Variants in MATCAP2 observed in about 807,000 individuals in gnomAD.
The protein encoded by MATCAP2 is putative tyrosine carboxypeptidase MATCAP2.
chr7:36,327,041 G>T, the MATCAP2 span: 2 of 799,550 alleles, frequency 2.5e-6, no homozygotes, highest in South Asian at 2.0e-5. Context: ...TTTAATAGCT[G>T]CAAAGTAACA....
chr7:36,389,915 C>T, the MATCAP2 span: 1 of 1,596,832 alleles, frequency 6.3e-7, no homozygotes, highest in Non-Finnish European at 8.6e-7. Context: ...GGAGAGTTCC[C>T]CCGCCTCAGA....
At chr7:36,352,397 A>T in the MATCAP2 span, among the ~76,000 whole-genome samples, 1 of 46,216 alleles carries the variant, frequency 2.2e-5, no homozygotes, top group African/African-American at 5.7e-5. Flanking sequence ...ACTCCATCTT[A>T]AAAAAAAAAA....
At chr7:36,367,274 G>A in the MATCAP2 span, 9 of 1,042,630 alleles carry the variant, frequency 8.6e-6, no homozygotes, top group African/African-American at 1.0e-4. Context: ...GCGCTTCACG[G>A]AGCCTGCGCG....
At chr7:36,380,141 T>A in the MATCAP2 span, among the ~76,000 whole-genome samples, 2 of 152,304 alleles carry the variant, frequency 1.3e-5, no homozygotes, top group South Asian at 4.1e-4. Context: ...TCAAAGGTGA[T>A]GAGCAGGGCA....
the MATCAP2 span, among the ~76,000 whole-genome samples, chr7:36,371,005 T>C: frequency 6.6e-6 from 1 of 152,250 alleles, no homozygotes. Flanking sequence ...TTCCATTTAA[T>C]TTTAGATTTA....
chr7:36,340,258 G>C, the MATCAP2 span, among the ~76,000 whole-genome samples: 1 of 152,156 alleles, frequency 6.6e-6, no homozygotes, highest in Non-Finnish European at 1.5e-5. Flanking sequence ...GGAAAATGTG[G>C]TTATCTGGTT....
chr7:36,346,733 AC>A, the MATCAP2 span, among the ~76,000 whole-genome samples: 1 of 152,056 alleles, frequency 6.6e-6, no homozygotes, highest in Non-Finnish European at 1.5e-5. Flanking sequence ...TACATTAAAA[AC>A]CACTGAACTG....
the MATCAP2 span, chr7:36,324,238 C>T: frequency 4.6e-5 from 7 of 152,168 alleles, no homozygotes; most frequent in African/African-American, 9.7e-5. Context: ...ACCTTGGCAC[C>T]GTTTCTTTTT....
At chr7:36,347,003 C>G in the MATCAP2 span, among the ~76,000 whole-genome samples, 7 of 152,170 alleles carry the variant, frequency 4.6e-5, no homozygotes, top group African/African-American at 1.7e-4. Flanking sequence ...TCATGATCCA[C>G]CCACCTTGGC....
At chr7:36,333,177 C>A in the MATCAP2 span, among the ~76,000 whole-genome samples, 2 of 152,282 alleles carry the variant, frequency 1.3e-5, no homozygotes, top group East Asian at 3.9e-4. Context: ...GACTGCCTCA[C>A]AGCAATAAAA....
chr7:36,357,159 T>G, the MATCAP2 span: 1 of 1,614,206 alleles, frequency 6.2e-7, no homozygotes, highest in Non-Finnish European at 8.5e-7. Flanking sequence ...TTGACCTTGC[T>G]TTTGGGTTTA....
chr7:36,349,991 A>G, the MATCAP2 span, among the ~76,000 whole-genome samples: 1 of 152,236 alleles, frequency 6.6e-6, no homozygotes, highest in Admixed American at 6.5e-5. Flanking sequence ...TAAAAACCTT[A>G]TAACTTCAGT....
the MATCAP2 span, among the ~76,000 whole-genome samples, chr7:36,384,922 G>A: frequency 6.6e-6 from 1 of 152,064 alleles, no homozygotes; most frequent in Non-Finnish European, 1.5e-5. Flanking sequence ...ATTCGGAGAG[G>A]CAGGTAGATT....
chr7:36,331,435 T>G, the MATCAP2 span, among the ~76,000 whole-genome samples: 2 of 152,238 alleles, frequency 1.3e-5, no homozygotes, highest in Non-Finnish European at 2.9e-5. Context: ...ACTCCCATTG[T>G]GCACTGAAGG....
the MATCAP2 span, among the ~76,000 whole-genome samples, chr7:36,374,325 C>T: frequency 6.6e-6 from 1 of 152,064 alleles, no homozygotes; most frequent in African/African-American, 2.4e-5. Flanking sequence ...AGTGATCCTC[C>T]TGCCTTGCCC....
At chr7:36,390,196 CG>C in the MATCAP2 span, 12 of 1,318,068 alleles carry the variant, frequency 9.1e-6, no homozygotes, top group East Asian at 3.0e-4. Flanking sequence ...GCCGCGGCTG[CG>C]GCCTGCTGTG....
chr7:36,389,691 G>A, the MATCAP2 span: 6,302 of 261,268 alleles, frequency 0.024, 105 homozygotes, highest in Middle Eastern at 0.05. Context: ...TCCACCCCGC[G>A]GCGAGGGCTG....
the MATCAP2 span, among the ~76,000 whole-genome samples, chr7:36,333,520 T>G: frequency 6.6e-6 from 1 of 151,834 alleles, no homozygotes. Context: ...GCATGTGAAT[T>G]ATATCTCAGT....
At chr7:36,366,009 T>C in the MATCAP2 span, among the ~76,000 whole-genome samples, 211 of 152,334 alleles carry the variant, frequency 1.4e-3, no homozygotes, top group Middle Eastern at 3.4e-3. Context: ...ATTAAAATCA[T>C]AAATATTTTC....
Sources: gnomAD v4.1 joint callset for allele counts (sites outside exome capture counted in the v4.1 genomes callset) on GRCh38, gnomAD v4.1.1 for gene constraint, MANE v1.5 for transcripts, NCBI Gene and HGNC (gene_info 2026-07-23, HGNC 2026-07-21) for gene names.